Variants in CFAP99 observed in about 807,000 individuals in gnomAD.
CFAP99 encodes cilia and flagella associated protein 99.
CFAP99 carries 84 observed loss-of-function variants against 82.7 expected under a neutral mutation model. The ratio of observed to expected loss-of-function variants is 1.02; its 90% CI spans 0.85 to 1.22. The LOEUF (loss-of-function observed/expected upper bound fraction) is 1.22, where lower values mean the gene tolerates loss of function less well. CFAP99 is among the 50% of genes most tolerant of loss of function. The pLI is 0.00. For missense variants in CFAP99, 1,059 were observed against 983.5 expected (o/e 1.08, Z -1.03); for synonymous variants, 456 against 429.5 (o/e 1.06, Z -0.76).
intron 1 of CFAP99, among the ~76,000 whole-genome samples, chr4:2,420,665 T>C (rs1254194967): frequency 6.6e-6 from 1 of 152,102 alleles, no homozygotes; most frequent in Non-Finnish European, 1.5e-5. Context: ...TATTGAAAAA[T>C]CCCAACATCA....
intron 3 of CFAP99, 110 bp downstream of exon 3, chr4:2,437,128 C>A: frequency 1.5e-6 from 2 of 1,333,178 alleles, no homozygotes; most frequent in Non-Finnish European, 1.0e-6. Flanking sequence ...GCTCCTCCTT[C>A]CTGCCCTTGC....
Position 2,462,783 on chromosome 4 carries a change from C to G in CFAP99, c.2002C>G (p.Arg668Gly). ...GGGAGGCGGTGGGGGCGTCCCTGCC[C>G]GCGCCGACGCGTTCCCCGGCCTGCA... is the stretch of plus-strand genomic sequence containing the variant. Residue 668 changes from arginine to glycine, a missense_variant, in exon 15 of 15, where the codon CGC (arginine) becomes GGC (glycine). Coordinates refer to ENST00000635017, the Ensembl canonical transcript of CFAP99. The surrounding 1 kb of genome is among the most constrained non-coding windows in gnomAD (Gnocchi z 4.1). 4.7e-6 allele frequency: 6 copies of G among 1,278,274 alleles called. No homozygotes were observed. The highest frequency in any genetic ancestry group is 5.9e-6 in the Non-Finnish European group (6 of 1,014,394). The allele number at this position is 1,278,274 out of a possible 1,614,324, so 79.2% of individuals were successfully genotyped here.
chr4:2,459,822 G>T (rs575658739), intron 13 of CFAP99, among the ~76,000 whole-genome samples: 2 of 152,356 alleles, frequency 1.3e-5, no homozygotes, highest in African/African-American at 4.8e-5. Flanking sequence ...ACAGTGGAGG[G>T]GCCTCAGTCC....
In CFAP99 at chr4:2,460,467, T is replaced by C. The variant is rs905958985; in HGVS notation, c.1661+225T>C. ...CATGGCTCAGAAGCCATGACCCAGA[T>C]GCAGTCATTTTTGCACCCAGCTCAT... On this transcript the variant is annotated intron_variant, in intron 14 of 14. Coordinates refer to ENST00000635017, the Ensembl canonical transcript of CFAP99. 3.9e-4 allele frequency among the ~76,000 whole-genome samples: 60 copies of C among 152,218 alleles called. 2 individuals are homozygous for C. The highest frequency in any genetic ancestry group is 2.9e-5 in the Non-Finnish European group (2 of 68,044).
chr4:2,439,106 T>G (rs1733981901), intron 4 of CFAP99, among the ~76,000 whole-genome samples: 1 of 152,250 alleles, frequency 6.6e-6, no homozygotes, highest in South Asian at 2.1e-4. Context: ...GGCTGCTGCC[T>G]GCTCACACTG....
intron 5 of CFAP99, 87 bp from the exon 6 acceptor site, chr4:2,445,044 C>A: frequency 9.8e-7 from 1 of 1,021,086 alleles, no homozygotes; most frequent in South Asian, 4.5e-5. Flanking sequence ...CCAATCGCTG[C>A]GGGAGCCCTC....
intron 2 of CFAP99, among the ~76,000 whole-genome samples, chr4:2,433,432 G>C (rs1446027117): frequency 2.0e-5 from 3 of 151,174 alleles, no homozygotes; most frequent in Non-Finnish European, 4.4e-5. Context: ...CGGGGCGGGG[G>C]GGGGACCAGT....
chr4:2,443,314 G>A (rs530804413), intron 5 of CFAP99, 72 bp downstream of exon 5: 166 of 915,798 alleles, frequency 1.8e-4, no homozygotes, highest in South Asian at 1.3e-3. Flanking sequence ...CCACGGGCAC[G>A]GGAGCTCCAC....
At chr4:2,443,090 C>T in intron 4 of CFAP99, 40 bp from the exon 5 acceptor site, 1 of 1,184,006 alleles carries the variant, frequency 8.4e-7, no homozygotes, top group Non-Finnish European at 1.2e-6. Flanking sequence ...AGGGGTTGGG[C>T]CCAGGGCTCC....
At chr4:2,438,993 G>A (rs1256706032) in intron 4 of CFAP99, among the ~76,000 whole-genome samples, 2 of 152,168 alleles carry the variant, frequency 1.3e-5, no homozygotes, top group African/African-American at 4.8e-5. Context: ...CCCCGAGGGG[G>A]AGCCTGCAGG....
At chr4:2,451,388 G>A (rs1014338743) in intron 10 of CFAP99, 36 bp downstream of exon 10, 83 of 1,527,120 alleles carry the variant, frequency 5.4e-5, no homozygotes, top group East Asian at 2.0e-4. Context: ...TGCCTTCCAC[G>A]GCATCACCCT....
intron 4 of CFAP99, among the ~76,000 whole-genome samples, chr4:2,439,777 CCCAGAAA>C (rs909917449): frequency 6.6e-6 from 1 of 152,118 alleles, no homozygotes; most frequent in Non-Finnish European, 1.5e-5. Flanking sequence ...GAAACCAAAC[CCCAGAAA>C]CCAGAAACCA....
intron 6 of CFAP99, among the ~76,000 whole-genome samples, chr4:2,449,038 C>A (rs1263726672): frequency 1.3e-5 from 2 of 152,046 alleles, no homozygotes; most frequent in Non-Finnish European, 2.9e-5. Context: ...GAGGTTTGGA[C>A]GAGTTGATTT....
chr4:2,460,314 C>T (rs1480014788), intron 14 of CFAP99, 72 bp downstream of exon 14: 4 of 1,362,428 alleles, frequency 2.9e-6, no homozygotes, highest in Non-Finnish European at 3.0e-6. Flanking sequence ...TTGCACCCTC[C>T]TGGGTGGGTC....
Position 2,462,571 on chromosome 4 carries a change from T to A in CFAP99, c.1790T>A (p.Val597Glu), listed in dbSNP as rs1225030349. The A allele has an allele frequency of 7.0e-7, 1 of 1,436,348 alleles. No individual in the cohort carries two copies. The highest frequency in any genetic ancestry group is 9.1e-7 in the Non-Finnish European group (1 of 1,098,612). 89.0% of individuals were successfully genotyped at this position (1,436,348 alleles called of 1,614,324 possible). Residue 597 changes from valine (V) to glutamate (E), a missense_variant, in exon 15 of 15, where the codon GTG becomes GAG. By Grantham distance (121) the Val-to-Glu change is moderately radical. Coordinates refer to ENST00000635017, the Ensembl canonical transcript of CFAP99. This position sits in a 1 kb window ranked among gnomAD's most constrained non-coding sequence, Gnocchi z 4.1. The stretch of plus-strand genomic sequence containing the variant: ...AGCAGGCAGGCGGCCTTGCTGCACG[T>A]GTCGGCGCCGCGGACCGCGCGCCCC...
chr4:2,441,843 C>G (rs1265678910), intron 4 of CFAP99, among the ~76,000 whole-genome samples: 1 of 152,222 alleles, frequency 6.6e-6, no homozygotes, highest in African/African-American at 2.4e-5. Context: ...GCCCCTGGGC[C>G]ACACCTTGGG....
At chr4:2,461,889 G>A (rs1016007270) in intron 14 of CFAP99, among the ~76,000 whole-genome samples, 3 of 152,076 alleles carry the variant, frequency 2.0e-5, no homozygotes, top group African/African-American at 7.2e-5. Flanking sequence ...GGTACCTCCA[G>A]GCAAGAGACA....
rs113227988 is a variant in CFAP99, at chr4:2,448,004, G to A, written c.643-1666G>A. On this transcript the variant is annotated intron_variant, in intron 6 of 14. Coordinates refer to ENST00000635017, the Ensembl canonical transcript of CFAP99. This position sits in a 1 kb window ranked among gnomAD's most constrained non-coding sequence, Gnocchi z 5.2. Reference sequence around the variant, plus strand: ...GGCTTCATGGAAGGATAAGTAGATGGATGGATAAGTGGATGAATGGATGGA... The same window carrying A: ...GGCTTCATGGAAGGATAAGTAGATGAATGGATAAGTGGATGAATGGATGGA... Among the ~76,000 whole-genome samples, 3,072 of 146,994 alleles carry A rather than the reference G, an allele frequency of 0.021. 85 individuals are homozygous for A. Among genetic ancestry groups the A allele is most frequent in the African/African-American group, 0.071 (2,766 of 39,160 alleles).
intron 4 of CFAP99, among the ~76,000 whole-genome samples, chr4:2,442,541 C>T (rs573386162): frequency 5.3e-5 from 8 of 152,240 alleles, no homozygotes; most frequent in Admixed American, 1.3e-4. Flanking sequence ...CCATTACCCC[C>T]GCTCAGCCCG....
Sources: allele counts gnomAD v4.1 joint callset (sites outside exome capture counted in the v4.1 genomes callset), GRCh38; gene constraint gnomAD v4.1.1; non-coding constraint Gnocchi (gnomAD v3.1); transcripts MANE v1.5; gene names NCBI Gene and HGNC (gene_info 2026-07-23, HGNC 2026-07-21).